Variants in HERC5 observed in about 807,000 individuals in gnomAD.
The protein encoded by HERC5 is HECT and RLD domain containing E3 ubiquitin protein ligase 5.
A neutral mutation model predicts 119.6 loss-of-function variants in HERC5; 99 were observed. The ratio of observed to expected loss-of-function variants is 0.83; its 90% CI spans 0.70 to 0.98. The LOEUF (loss-of-function observed/expected upper bound fraction) is 0.98. Among genes scored for constraint, HERC5 ranks in the 50% least tolerant of loss-of-function variants. The pLI is 0.00. For missense variants in HERC5, 1,267 were observed against 1,241.3 expected (o/e 1.02, Z -0.31); for synonymous variants, 478 against 445.9 (o/e 1.07, Z -0.91).
chr4:88,506,154 G>A lies in HERC5; in HGVS notation c.*276G>A, dbSNP rs370084052. The A allele has an allele frequency of 2.1e-3, 757 of 354,680 alleles. 24 individuals carry two copies. In the South Asian group the frequency reaches 0.041, roughly 19 times the overall value. 22.0% of individuals were successfully genotyped at this position (354,680 alleles called of 1,614,324 possible). A position where few individuals can be genotyped will look rare whatever the true frequency, so the allele number is the denominator to read the frequency against. ...AATATTTTTCAAAAATAAAATAACCGAAAAATTAACATAAAAGTCTTATTC... is the reference window on the plus strand; with the variant it reads ...AATATTTTTCAAAAATAAAATAACCAAAAAATTAACATAAAAGTCTTATTC... On this transcript the variant is annotated 3_prime_UTR_variant, in exon 23 of 23. Coordinates refer to ENST00000264350, the MANE Select transcript of HERC5 (RefSeq NM_016323.4).
At chr4:88,474,171 C>T (rs1311705640) in intron 11 of HERC5, among the ~76,000 whole-genome samples, 1 of 152,188 alleles carries the variant, frequency 6.6e-6, no homozygotes, top group Non-Finnish European at 1.5e-5. Flanking sequence ...TACATCAGTG[C>T]AAAGACCTGG....
At chr4:88,500,801 A>G in intron 19 of HERC5, 114 bp from the exon 20 acceptor site, 1 of 793,928 alleles carries the variant, frequency 1.3e-6, no homozygotes, top group Non-Finnish European at 2.0e-6. Context: ...TTTATGACAA[A>G]AATGTACATT....
chr4:88,479,157 C>T (rs533997169), intron 12 of HERC5, among the ~76,000 whole-genome samples, 196 bp from the exon 13 acceptor site: 4 of 151,790 alleles, frequency 2.6e-5, no homozygotes, highest in South Asian at 2.1e-4. Context: ...TGGTGGTAGG[C>T]GCCTGTAATT....
intron 16 of HERC5, among the ~76,000 whole-genome samples, chr4:88,492,569 C>A (rs1741677499): frequency 6.6e-6 from 1 of 151,560 alleles, no homozygotes; most frequent in Non-Finnish European, 1.5e-5. Flanking sequence ...CACAGTGAAA[C>A]CCCGTCTCTA....
chr4:88,497,244 T>C (rs1741824504), intron 18 of HERC5, among the ~76,000 whole-genome samples: 1 of 152,182 alleles, frequency 6.6e-6, no homozygotes, highest in African/African-American at 2.4e-5. Flanking sequence ...AGGCACATGC[T>C]AGAAAAATCA....
chr4:88,481,670 A>G (rs1443570229), intron 13 of HERC5, among the ~76,000 whole-genome samples: 1 of 152,172 alleles, frequency 6.6e-6, no homozygotes, highest in East Asian at 1.9e-4. Context: ...TTTATGAGGC[A>G]TGTGGTTTCT....
At chr4:88,459,996 C>T in intron 2 of HERC5, 99 bp from the exon 3 acceptor site, 1 of 628,036 alleles carries the variant, frequency 1.6e-6, no homozygotes. Context: ...AAAGTTTTTT[C>T]TTGAGCTTCA....
chr4:88,504,473 CT>C (rs747894300), intron 21 of HERC5, 21 bp from the exon 22 acceptor site: 28 of 1,564,922 alleles, frequency 1.8e-5, no homozygotes, highest in African/African-American at 2.7e-5. Context: ...TCCTCAATAA[CT>C]TTTTTTTGTA....
chr4:88,458,581 G>T (rs1481607640), intron 1 of HERC5, among the ~76,000 whole-genome samples: 1 of 151,878 alleles, frequency 6.6e-6, no homozygotes, highest in Non-Finnish European at 1.5e-5. Flanking sequence ...TAGTCTGCTG[G>T]ACCATTTCTT....
At chr4:88,474,888 A>G (rs1007341341) in intron 11 of HERC5, among the ~76,000 whole-genome samples, 1 of 152,248 alleles carries the variant, frequency 6.6e-6, no homozygotes, top group Non-Finnish European at 1.5e-5. Context: ...CATAAATACT[A>G]GCTTATCTTC....
chr4:88,501,195 C>T (rs1404557219), intron 20 of HERC5, among the ~76,000 whole-genome samples: 1 of 152,086 alleles, frequency 6.6e-6, no homozygotes, highest in African/African-American at 2.4e-5. Context: ...TCAGAGAGAC[C>T]TTTCTATTTC....
intron 12 of HERC5, among the ~76,000 whole-genome samples, chr4:88,478,784 G>C (rs1741171095): frequency 6.6e-6 from 1 of 151,840 alleles, no homozygotes; most frequent in African/African-American, 2.4e-5. Context: ...CTAATTTTTT[G>C]TAGTTCTGGT....
intron 20 of HERC5, among the ~76,000 whole-genome samples, chr4:88,502,554 G>A (rs886800802): frequency 6.6e-6 from 1 of 152,148 alleles, no homozygotes; most frequent in East Asian, 1.9e-4. Context: ...AGCCTGTGTT[G>A]TGCAGATTTG....
At position 88,506,014 on chromosome 4, in the gene HERC5, G is replaced by C. The variant is rs1742094844; in HGVS notation, c.*136G>C. 1.5e-6 allele frequency: 1 copy of C among 687,834 alleles called. No homozygotes were observed. Among genetic ancestry groups the C allele is most frequent in the Admixed American group, 2.9e-5 (1 of 34,738 alleles). The allele number at this position is 687,834 out of a possible 1,614,324, so 42.6% of individuals were successfully genotyped here. A position where few individuals can be genotyped will look rare whatever the true frequency, so the allele number is the denominator to read the frequency against. ...ATGGTTTTTCATTTCTGTCTCTAGT[G>C]ATAAGCAGGAAAGAGGGATGAAGAA... On this transcript the variant is annotated 3_prime_UTR_variant, in exon 23 of 23. Coordinates refer to ENST00000264350, the MANE Select transcript of HERC5 (RefSeq NM_016323.4).
At position 88,459,393 on chromosome 4, in the gene HERC5, A is replaced by C; in HGVS notation, c.312A>C (p.Gln104His). Residue 104 changes from glutamine to histidine, a missense_variant, in exon 2 of 23, where the codon CAA (glutamine) becomes CAC (histidine). Physicochemically the swap from Gln to His is conservative, Grantham distance 24. This residue lies in a region of HERC5 where 777 missense variants were observed against 758.0 expected (regional missense o/e 1.03). Transcript: ENST00000264350. ...ACATGAAGATACATTCCGTGGACCA[A>C]GGAGCAGAGCACATGCTGATTCTCT... ...GKNMKIHSVD[Q>H]GAEHMLILSS... 1 of 1,597,944 alleles carries C rather than the reference A, an allele frequency of 6.3e-7. No individual in the cohort carries two copies. Among genetic ancestry groups the C allele is most frequent in the Non-Finnish European group, 8.5e-7 (1 of 1,173,002 alleles).
At chr4:88,476,249 T>C (rs1010480508) in intron 12 of HERC5, among the ~76,000 whole-genome samples, 1 of 152,246 alleles carries the variant, frequency 6.6e-6, no homozygotes, top group African/African-American at 2.4e-5. Flanking sequence ...GGCTTTGTCA[T>C]GATTTCCTTA....
intron 15 of HERC5, 90 bp downstream of exon 15, chr4:88,487,269 C>A (rs1741498304): frequency 3.0e-6 from 2 of 665,968 alleles, no homozygotes; most frequent in East Asian, 5.6e-5. Context: ...AAGAGAACCA[C>A]CTACCAGTGA....
rs1403615729 is a variant in HERC5, at chr4:88,462,267, A to G, written c.599A>G (p.Glu200Gly). ...CCCTTGGCTCAGATTTCTGCCGGAG[A>G]AGCCCACAGCATGGCCTTATCCATG... ...GVPLAQISAG[E>G]AHSMALSMSG... is the part of the protein sequence containing the mutation. The change falls in exon 4 of 23, where the codon GAA becomes GGA. Residue 200 changes from glutamate (E) to glycine (G), a missense_variant. Glu to Gly is a moderately conservative substitution (Grantham distance 98, BLOSUM62 -2). Transcript: ENST00000264350. The G allele has an allele frequency of 3.7e-6, 6 of 1,614,094 alleles. No homozygotes were observed. The highest frequency in any genetic ancestry group is 1.7e-5 in the Admixed American group (1 of 60,006).
chr4:88,501,518 T>C (rs1408070310), intron 20 of HERC5, among the ~76,000 whole-genome samples: 1 of 152,214 alleles, frequency 6.6e-6, no homozygotes, highest in East Asian at 1.9e-4. Context: ...AGTTTGGAAT[T>C]ATAGAACCTT....
Sources: allele counts gnomAD v4.1 joint callset (sites outside exome capture counted in the v4.1 genomes callset), GRCh38; gene constraint gnomAD v4.1.1; regional missense constraint gnomAD v4.1.1; transcripts MANE v1.5; gene names NCBI Gene and HGNC (gene_info 2026-07-23, HGNC 2026-07-21).